Variants in GABRD observed in about 807,000 individuals in gnomAD.
The protein encoded by GABRD is gamma-aminobutyric acid type A receptor subunit delta.
GABRD carries 25 observed loss-of-function variants against 47.3 expected under a neutral mutation model. The ratio of observed to expected loss-of-function variants is 0.53; its 90% confidence interval spans 0.39 to 0.74. The LOEUF (loss-of-function observed/expected upper bound fraction) is 0.74, where lower values mean the gene tolerates loss of function less well. Ranked by LOEUF, GABRD falls within the 30% of genes least tolerant of loss-of-function variation. The probability of loss-of-function intolerance (pLI) is 0.00; values close to 1 mark genes in which losing one functional copy is unlikely to be tolerated. For synonymous variants in GABRD, 314 were observed against 278.8 expected (o/e 1.13, Z -1.26); for missense variants, 497 against 643.4 (o/e 0.77, Z 2.46).
At chr1:2,027,814 G>A in intron 5 of GABRD, 155 bp downstream of exon 5, 1 of 737,784 alleles carries the variant, frequency 1.4e-6, no homozygotes. Flanking sequence ...GAGGAGAAGG[G>A]GCCAGAAAGC....
intron 3 of GABRD, 28 bp downstream of exon 3, chr1:2,025,429 C>T (rs922412708): frequency 1.3e-5 from 21 of 1,612,572 alleles, no homozygotes; most frequent in Non-Finnish European, 1.8e-5. Flanking sequence ...CTGCCTCAGG[C>T]ACGGTGGGTG....
chr1:2,023,647 C>G (rs1169075935), intron 1 of GABRD: 2 of 152,226 alleles, frequency 1.3e-5, no homozygotes, highest in Non-Finnish European at 2.9e-5. Context: ...CCCGGCCCCT[C>G]AACTCTCCTG....
intron 4 of GABRD, chr1:2,026,610 T>G (rs1432205284): frequency 6.6e-6 from 1 of 150,494 alleles, no homozygotes; most frequent in Non-Finnish European, 1.5e-5. Context: ...CCGAGGTGGG[T>G]GGATCACGAG....
rs374890489 is a variant in GABRD at position 2,027,038 on chromosome 1, T to C, written c.471-539T>C. ...TGGGCTTGGTGGTGTGCACCTGTGG[T>C]CTCAGCTACTCGGGAGGCTGAGGTG... On this transcript the variant is annotated intron_variant, in intron 4 of 8. Transcript: ENST00000378585. The C allele has an allele frequency of 3.4e-3, 660 of 196,892 alleles. 13 individuals are homozygous for C. The highest frequency in any genetic ancestry group is 0.032 in the South Asian group (365 of 11,528). The allele number at this position is 196,892 out of a possible 1,614,324, so 12.2% of individuals were successfully genotyped here.
In GABRD at chr1:2,028,143, C is replaced by T. The variant is rs748965989; in HGVS notation, c.554-12C>T. On this transcript the variant is annotated splice_polypyrimidine_tract_variant and intron_variant, in intron 5 of 8. Transcript: ENST00000378585. The surrounding 1 kb of genome is among the most constrained non-coding windows in gnomAD (Gnocchi z 6.4). ...CCGGGCTCTGCCGCCCACCTGTGTG[C>T]TTTTCCTCCAGACGGTTACTCATCG... 6.2e-7 allele frequency: 1 copy of T among 1,604,094 alleles called. No individual in the cohort carries two copies. Among genetic ancestry groups the T allele is most frequent in the East Asian group, 2.2e-5 (1 of 44,626 alleles).
At chr1:2,025,285 C>A in intron 2 of GABRD, 49 bp from the exon 3 acceptor site, 1 of 1,606,190 alleles carries the variant, frequency 6.2e-7, no homozygotes, top group Non-Finnish European at 8.5e-7. Context: ...ATCGTGGCTC[C>A]CATGCTGGGC....
At chr1:2,027,850 G>T in intron 5 of GABRD, 191 bp downstream of exon 5, 1 of 646,362 alleles carries the variant, frequency 1.5e-6, no homozygotes. Flanking sequence ...TTGTGGGTCT[G>T]TGCCCTGCCT....
intron 1 of GABRD, among the ~76,000 whole-genome samples, chr1:2,023,255 CAA>C (rs1181361785): frequency 6.6e-6 from 1 of 151,916 alleles, no homozygotes; most frequent in African/African-American, 2.4e-5. Flanking sequence ...TCCAAGGACT[CAA>C]GAGGGCTGGA....
Position 2,028,437 on chromosome 1 carries a change from C to G in GABRD, c.691+145C>G. The G allele has an allele frequency of 1.1e-6, 1 of 924,422 alleles. No individual in the cohort carries two copies. The highest frequency in any genetic ancestry group is 1.5e-6 in the Non-Finnish European group (1 of 686,602). 57.3% of individuals were successfully genotyped at this position (924,422 alleles called of 1,614,324 possible). On this transcript the variant is annotated intron_variant, in intron 6 of 8. Coordinates refer to ENST00000378585, the MANE Select transcript of GABRD (RefSeq NM_000815.5). This position sits in a 1 kb window ranked among gnomAD's most constrained non-coding sequence, Gnocchi z 6.4. ...TTTTAGTCAAGCGCCCGCAGGCCCC[C>G]AGGGCCTCTGGGGATGCAGCTGGGA...
chr1:2,023,197 C>G (rs897978197), intron 1 of GABRD, among the ~76,000 whole-genome samples: 5 of 152,122 alleles, frequency 3.3e-5, no homozygotes, highest in Non-Finnish European at 5.9e-5. Flanking sequence ...TGGACTTAGC[C>G]TGAGGCACCA....
At chr1:2,023,885 A>G (rs1658850314) in intron 1 of GABRD, 2 of 152,110 alleles carry the variant, frequency 1.3e-5, no homozygotes, top group South Asian at 4.1e-4. Context: ...GGAGCCTGAA[A>G]TCAAGGTGTG....
intron 1 of GABRD, among the ~76,000 whole-genome samples, chr1:2,020,388 A>G (rs3121819): frequency 0.85 from 128,735 of 152,284 alleles, 54,504 homozygotes; most frequent in African/African-American, 0.89. Flanking sequence ...CCCAGCATTC[A>G]GGATCTCAGA....
chr1:2,023,035 G>C (rs913715539), intron 1 of GABRD, among the ~76,000 whole-genome samples: 2 of 152,130 alleles, frequency 1.3e-5, no homozygotes, highest in African/African-American at 4.8e-5. Context: ...TCCTCAGGGG[G>C]CCCAGGACGC....
intron 1 of GABRD, 56 bp downstream of exon 1, chr1:2,019,547 G>T: frequency 9.6e-7 from 1 of 1,037,662 alleles, no homozygotes; most frequent in Non-Finnish European, 1.2e-6. Flanking sequence ...GGCCCGCGTC[G>T]GCCCGAGATA....
intron 1 of GABRD, among the ~76,000 whole-genome samples, chr1:2,021,642 G>A (rs1444929379): frequency 2.6e-5 from 4 of 152,192 alleles, no homozygotes; most frequent in African/African-American, 4.8e-5. Context: ...CGAGCTTGCC[G>A]ACTGCATGCC....
At position 2,028,291 on chromosome 1, in the gene GABRD, C is replaced by CCGT. The variant is rs749767440; in HGVS notation, c.690_691insCGT (p.Ser230_Ala231insArg). ...CCACGGAGCTGATGAACTTCAAGTC[C>CCGT]GGTAACATATGCCCGCCGCCCCTTC... On this transcript the variant is annotated inframe_insertion and splice_region_variant, in exon 6 of 9. Transcript: ENST00000378585. The surrounding 1 kb of genome is among the most constrained non-coding windows in gnomAD (Gnocchi z 6.4). 1 of 1,610,124 alleles carries CCGT rather than the reference C, an allele frequency of 6.2e-7. No individual in the cohort carries two copies. Among genetic ancestry groups the CCGT allele is most frequent in the African/African-American group, 1.3e-5 (1 of 74,924 alleles).
chr1:2,019,431 C>G lies in GABRD; in HGVS notation c.8C>G (p.Ala3Gly). The change falls in exon 1 of 9, where the codon GCG (alanine) becomes GGG (glycine). Residue 3 changes from alanine (A) to glycine (G), a missense_variant. Transcript: ENST00000378585. Reference protein sequence around the residue: MDAPARLLAPLLL... With the variant: MDGPARLLAPLLL... ...CCCGAGCCCGCCGCGGCCATGGACG[C>G]GCCCGCCCGGCTGCTGGCCCCGCTC... 9.1e-7 allele frequency: 1 copy of G among 1,096,084 alleles called. No homozygotes were observed. Among genetic ancestry groups the G allele is most frequent in the Non-Finnish European group, 1.1e-6 (1 of 902,874 alleles). The allele number at this position is 1,096,084 out of a possible 1,614,324, so 67.9% of individuals were successfully genotyped here. A position where few individuals can be genotyped will look rare whatever the true frequency, so the allele number is the denominator to read the frequency against.
Position 2,029,800 on chromosome 1 carries a change from G to A in GABRD, c.1059+38G>A, listed in dbSNP as rs28507434. The A allele has an allele frequency of 9.6e-4, 1,532 of 1,590,312 alleles. 9 individuals are homozygous for A. The African/African-American group carries it at 0.018, about 19-fold the overall frequency. On this transcript the variant is annotated intron_variant, in intron 8 of 8. Coordinates refer to ENST00000378585, the MANE Select transcript of GABRD (RefSeq NM_000815.5). ...GGCCGAGCCAGGGACAGCACTGCTG[G>A]GGGCCCCAACCAGGACCCTTCAGCT...
rs1658879483 is a variant in GABRD at position 2,025,019 on chromosome 1, C to T, written c.146C>T (p.Ala49Val). 1 of 1,612,666 alleles carries T rather than the reference C, an allele frequency of 6.2e-7. No individual in the cohort carries two copies. The highest frequency in any genetic ancestry group is 8.5e-7 in the Non-Finnish European group (1 of 1,179,772). Residue 49 changes from alanine (A) to valine (V), a missense_variant, in exon 2 of 9, where the codon GCC (alanine) becomes GTC (valine). Around this residue, in one of 3 missense-constraint regions of GABRD, gnomAD observed 91 missense variants for 85.5 expected, o/e 1.06. Coordinates refer to ENST00000378585, the MANE Select transcript of GABRD (RefSeq NM_000815.5). The part of the protein sequence containing the change: ...SWLPNLDGLI[A>V]GYARNFRPGI... Reference sequence around the variant, plus strand: ...CTCCCCAACCTGGACGGGCTGATAGCCGGCTACGCCCGCAACTTCCGGCCT... The same window carrying T: ...CTCCCCAACCTGGACGGGCTGATAGTCGGCTACGCCCGCAACTTCCGGCCT...
Sources: allele counts gnomAD v4.1 joint callset (sites outside exome capture counted in the v4.1 genomes callset), GRCh38; gene constraint gnomAD v4.1.1; regional missense constraint gnomAD v4.1.1; non-coding constraint Gnocchi (gnomAD v3.1); transcripts MANE v1.5; gene names NCBI Gene and HGNC (gene_info 2026-07-23, HGNC 2026-07-21).